Variants in KCP observed in about 807,000 individuals in gnomAD.
The protein encoded by KCP is kielin cysteine rich BMP regulator.
In KCP, 194 loss-of-function variants were observed where a neutral mutation model predicts 212.7. The ratio of observed to expected loss-of-function variants is 0.91; its 90% CI spans 0.81 to 1.03. KCP has a LOEUF of 1.03. Ranked by LOEUF, KCP falls within the 50% of genes least tolerant of loss-of-function variation. The pLI, the probability that KCP is intolerant of heterozygous loss-of-function variation, is 0.00. For synonymous variants in KCP, 833 were observed against 865.3 expected, an observed-to-expected ratio of 0.96 and a Z score of 0.65; for missense variants, 2,080 against 2,162.5, an observed-to-expected ratio of 0.96 and a Z score of 0.76.
In KCP at chr7:128,891,328, C is replaced by T. The variant is rs1254728262; in HGVS notation, c.1879-50G>A. 5.2e-6 allele frequency: 8 copies of T among 1,546,662 alleles called. No individual in the cohort carries two copies. In the African/African-American group the frequency reaches 5.5e-5, roughly 11 times the overall value. ...GGTCAGTGGGTTAGTTGGGGGAGGC[C>T]GAGGAGACCCCTCCCACCCAGTGCC... On this transcript the variant is annotated intron_variant, in intron 18 of 39. Coordinates refer to ENST00000610776, the MANE Select transcript of KCP (RefSeq NM_001366122.1).
At chr7:128,887,134 G>A in intron 23 of KCP, 81 bp downstream of exon 23, 4 of 1,280,206 alleles carry the variant, frequency 3.1e-6, no homozygotes, top group Non-Finnish European at 4.4e-6. Context: ...TGCCACCTGA[G>A]TGGAGGAGAC....
chr7:128,894,393 G>T, intron 8 of KCP, 100 bp from the exon 9 acceptor site: 1 of 945,654 alleles, frequency 1.1e-6, no homozygotes, highest in Non-Finnish European at 1.5e-6. Flanking sequence ...ATGTGTTTAT[G>T]GGTTGAATTG....
chr7:128,877,342 A>G, intron 39 of KCP, 31 bp from the exon 40 acceptor site: 1 of 1,526,344 alleles, frequency 6.6e-7, no homozygotes, highest in Non-Finnish European at 8.8e-7. Flanking sequence ...GGGGTTACCA[A>G]GGCACCTGAA....
chr7:128,905,152 CAACT>C (rs1795062220), intron 5 of KCP, among the ~76,000 whole-genome samples: 1 of 152,078 alleles, frequency 6.6e-6, no homozygotes, highest in African/African-American at 2.4e-5. Context: ...TTCTTACTAC[CAACT>C]GAGACTCCTC....
intron 13 of KCP, 94 bp from the exon 14 acceptor site, chr7:128,893,115 C>T: frequency 9.1e-7 from 1 of 1,099,300 alleles, no homozygotes. Flanking sequence ...GCCATCCCCG[C>T]TGACACTGTA....
rs1388132858 is a variant in KCP at position 128,880,049 on chromosome 7, G to A, written c.3796C>T (p.Pro1266Ser). ...GAAGCGGGCCGAGGCAGGCAGCGGG[G>A]GCAGCAGCTGCCAGGACTCAGGGCA... The part of the protein sequence containing the change: ...APALSPGSCC[P>S]RCLPRPASCM... Residue 1266 changes from proline to serine, a missense_variant, in exon 35 of 40, where the codon CCC becomes TCC. Pro to Ser is a moderately conservative substitution (Grantham distance 74). Coordinates refer to ENST00000610776, the MANE Select transcript of KCP (RefSeq NM_001366122.1). 3.2e-5 allele frequency: 50 copies of A among 1,547,476 alleles called. No homozygotes were observed. Among genetic ancestry groups the A allele is most frequent in the Non-Finnish European group, 4.2e-5 (48 of 1,146,214 alleles).
chr7:128,889,087 G>T, intron 21 of KCP, 48 bp from the exon 22 acceptor site: 1 of 1,401,614 alleles, frequency 7.1e-7, no homozygotes, highest in Non-Finnish European at 9.5e-7. Context: ...AGAAAGGGAT[G>T]AGAGGGCAGT....
Position 128,881,962 on chromosome 7 carries a change from T to C in KCP, c.3299A>G (p.Asp1100Gly), listed in dbSNP as rs1303421857. 1 of 1,550,452 alleles carries C rather than the reference T, an allele frequency of 6.4e-7. No individual in the cohort carries two copies. The highest frequency in any genetic ancestry group is 8.7e-7 in the Non-Finnish European group (1 of 1,146,844). Residue 1100 changes from aspartate to glycine, a missense_variant, in exon 30 of 40, where the codon GAC (aspartate) becomes GGC (glycine). Asp to Gly is a moderately conservative substitution (Grantham distance 94, BLOSUM62 -1). Coordinates refer to ENST00000610776, the MANE Select transcript of KCP (RefSeq NM_001366122.1). ...CTGGCACTGGCACGTGTAGCAGGGG[T>C]CTGGTGGGGCTAGCTCAGATCCCAG... ...GLLGSELAPP[D>G]PCYTCQCQDL... is the part of the protein sequence containing the mutation.
Position 128,907,185 on chromosome 7 carries a change from G to T in KCP, c.410-8C>A. The stretch of plus-strand genomic sequence containing the variant: ...GGCCATTTTGGCTGCAGCCTAAGGA[G>T]ACAGCAGTGTCACTCAAGCACCCCA... On this transcript the variant is annotated splice_region_variant and splice_polypyrimidine_tract_variant and intron_variant, in intron 3 of 39. Transcript: ENST00000610776. 1 of 1,550,752 alleles carries T rather than the reference G, an allele frequency of 6.4e-7. No homozygotes were observed. The highest frequency in any genetic ancestry group is 8.7e-7 in the Non-Finnish European group (1 of 1,146,314).
intron 8 of KCP, among the ~76,000 whole-genome samples, chr7:128,895,719 A>C (rs1050786557): frequency 6.6e-6 from 1 of 152,230 alleles, no homozygotes; most frequent in African/African-American, 2.4e-5. Context: ...CAAGATGGCA[A>C]TGAGAGTGAC....
intron 5 of KCP, 35 bp downstream of exon 5, chr7:128,906,244 G>T (rs749180423): frequency 2.7e-6 from 4 of 1,505,590 alleles, no homozygotes; most frequent in Non-Finnish European, 9.0e-7. Flanking sequence ...GAGAAGGCAA[G>T]CAGGAGGTGG....
At chr7:128,887,746 TACAC>T (rs200124412) in intron 22 of KCP, among the ~76,000 whole-genome samples, 3 of 114,544 alleles carry the variant, frequency 2.6e-5, no homozygotes, top group Admixed American at 1.8e-4. Context: ...CACACTCTCA[TACAC>T]ACACACATAA....
At chr7:128,891,146 G>C in intron 19 of KCP, 39 bp downstream of exon 19, 4 of 1,537,022 alleles carry the variant, frequency 2.6e-6, no homozygotes, top group Non-Finnish European at 3.5e-6. Flanking sequence ...CCTCCGAGGG[G>C]ACCCCCAGGG....
chr7:128,900,915 T>A (rs2128949605), intron 8 of KCP, among the ~76,000 whole-genome samples: 1 of 152,284 alleles, frequency 6.6e-6, no homozygotes, highest in East Asian at 1.9e-4. Flanking sequence ...AGCAACTCCA[T>A]CTTAAATAGG....
intron 10 of KCP, 30 bp downstream of exon 10, chr7:128,893,946 A>G (rs1231479302): frequency 6.5e-6 from 10 of 1,549,332 alleles, no homozygotes; most frequent in Non-Finnish European, 7.0e-6. Context: ...CCCCGGAGCC[A>G]GGCCCTCCCT....
intron 29 of KCP, 71 bp downstream of exon 29, chr7:128,883,931 G>A (rs1450336988): frequency 6.7e-7 from 1 of 1,491,096 alleles, no homozygotes; most frequent in Non-Finnish European, 8.9e-7. Flanking sequence ...GGCTGGGACT[G>A]GTGAGGAAGG....
In KCP at chr7:128,891,712, G is replaced by T; in HGVS notation, c.1729C>A (p.Arg577Ser). ...GCACAGGGGGCCCTGGGGCAGGGGC[G>T]AGGCTGGCAGTGGGCATGGCCTTCC... ...CQEGHAHCQP[R>S]PCPRAPCAHP... The change falls in exon 17 of 40, where the codon CGC becomes AGC. Residue 577 changes from arginine to serine, a missense_variant. Arg to Ser is a moderately radical substitution (Grantham distance 110). Coordinates refer to ENST00000610776, the MANE Select transcript of KCP (RefSeq NM_001366122.1). 6.9e-7 allele frequency: 1 copy of T among 1,449,340 alleles called. No homozygotes were observed. 89.8% of individuals were successfully genotyped at this position (1,449,340 alleles called of 1,614,324 possible).
At chr7:128,878,751 C>T (rs1214988575) in intron 37 of KCP, 29 bp from the exon 38 acceptor site, 1 of 1,538,078 alleles carries the variant, frequency 6.5e-7, no homozygotes. Flanking sequence ...GACTGGGGAG[C>T]AGGGAAGGAC....
intron 22 of KCP, among the ~76,000 whole-genome samples, chr7:128,887,609 A>G (rs547945572): frequency 5.2e-4 from 76 of 144,834 alleles, no homozygotes; most frequent in African/African-American, 1.9e-3. Flanking sequence ...AGCCACACCT[A>G]CACCCCCCCA....
Sources: gnomAD v4.1 joint callset for allele counts (sites outside exome capture counted in the v4.1 genomes callset) on GRCh38, gnomAD v4.1.1 for gene constraint, MANE v1.5 for transcripts, NCBI Gene and HGNC (gene_info 2026-07-23, HGNC 2026-07-21) for gene names.